PLCL2: variants seen among roughly 807,000 people sequenced by gnomAD.
PLCL2 encodes phospholipase C like 2, also known as inactive phospholipase C-like protein 2.
In PLCL2, 4 loss-of-function variants were observed where a neutral mutation model predicts 79.6. The ratio of observed to expected loss-of-function variants is 0.05; its 90% CI spans 0.02 to 0.11. The LOEUF (loss-of-function observed/expected upper bound fraction) is 0.11, where lower values mean the gene tolerates loss of function less well. PLCL2 is among the 10% of genes least tolerant of loss of function. The pLI, the probability that PLCL2 is intolerant of heterozygous loss-of-function variation, is 1.00. For missense variants in PLCL2, 895 were observed against 1,291.0 expected (o/e 0.69, Z 4.70); for synonymous variants, 484 against 457.7 (o/e 1.06, Z -0.73).
chr3:17,033,129 G>A (rs1034576855), intron 3 of PLCL2, among the ~76,000 whole-genome samples: 1 of 152,190 alleles, frequency 6.6e-6, no homozygotes, highest in African/African-American at 2.4e-5. Context: ...AAGACACATT[G>A]ATCCCTTAGG....
At chr3:17,019,024 A>C (rs1309871534) in intron 3 of PLCL2, among the ~76,000 whole-genome samples, 1 of 152,216 alleles carries the variant, frequency 6.6e-6, no homozygotes, top group Non-Finnish European at 1.5e-5. Context: ...AATAGATAGT[A>C]AATAGATATT....
intron 3 of PLCL2, among the ~76,000 whole-genome samples, chr3:17,031,986 A>T (rs2124910390): frequency 6.6e-6 from 1 of 150,864 alleles, no homozygotes; most frequent in Middle Eastern, 3.4e-3. Context: ...CAGGACCAGA[A>T]ACTACAAGAT....
chr3:16,898,664 G>A (rs1050646790), intron 1 of PLCL2, among the ~76,000 whole-genome samples: 11 of 152,298 alleles, frequency 7.2e-5, no homozygotes, highest in African/African-American at 2.6e-4. Context: ...AGACAGTAAA[G>A]TAAGACAAGG....
chr3:17,072,904 G>A (rs772221528), intron 5 of PLCL2, among the ~76,000 whole-genome samples: 2 of 152,136 alleles, frequency 1.3e-5, no homozygotes, highest in Non-Finnish European at 2.9e-5. Flanking sequence ...AAGCCAGCGG[G>A]TGTCTTTGCC....
rs1476657707 is a variant in PLCL2, at chr3:16,886,261, A to T, written c.327+895A>T. 8.5e-5 allele frequency among the ~76,000 whole-genome samples: 13 copies of T among 152,264 alleles called. 1 individual carries two copies. The highest frequency in any genetic ancestry group is 8.5e-4 in the Admixed American group (13 of 15,292). On this transcript the variant is annotated intron_variant, in intron 1 of 5. Transcript: ENST00000615277. This position sits in a 1 kb window ranked among gnomAD's most constrained non-coding sequence, Gnocchi z 4.2. ...GAAGAGCAGAGCCTTAGGCAAGACC[A>T]GCTCATTCGGCTCGCTCAAGTTTGG... is the stretch of plus-strand genomic sequence containing the variant.
At position 17,009,992 on chromosome 3, in the gene PLCL2, T is replaced by A. The variant is rs754340410; in HGVS notation, c.646T>A (p.Cys216Ser). The A allele has an allele frequency of 6.2e-7, 1 of 1,614,116 alleles. No homozygotes were observed. The highest frequency in any genetic ancestry group is 1.3e-5 in the African/African-American group (1 of 75,064). Residue 216 changes from cysteine (C) to serine (S), a missense_variant, in exon 2 of 6, where the codon TGT (cysteine) becomes AGT (serine). Around this residue, in one of 6 missense-constraint regions of PLCL2, gnomAD observed 129 missense variants for 208.8 expected, o/e 0.62. Transcript: ENST00000615277. The surrounding 1 kb of genome is among the most constrained non-coding windows in gnomAD (Gnocchi z 4.0). ...CATTTCTGACCAGATATCTGAAGAT[T>A]GTGCGTTTTCCGTCATATATGGAGA... ...NGISDQISED[C>S]AFSVIYGENY... is the part of the protein sequence containing the mutation.
intron 2 of PLCL2, among the ~76,000 whole-genome samples, chr3:17,012,848 C>T (rs898466546): frequency 6.6e-6 from 1 of 152,180 alleles, no homozygotes; most frequent in Non-Finnish European, 1.5e-5. Flanking sequence ...AAGGGCCTGC[C>T]TCATGCAGAC....
Position 17,009,534 on chromosome 3 carries a change from G to GT in PLCL2, c.328-139dup. The GT allele has an allele frequency of 1.8e-6, 1 of 543,152 alleles. No homozygotes were observed. Among genetic ancestry groups the GT allele is most frequent in the Non-Finnish European group, 3.3e-6 (1 of 305,166 alleles). The allele number at this position is 543,152 out of a possible 1,614,324, so 33.6% of individuals were successfully genotyped here. On this transcript the variant is annotated intron_variant, in intron 1 of 5. Coordinates refer to ENST00000615277, the MANE Select transcript of PLCL2 (RefSeq NM_001144382.2). The surrounding 1 kb of genome is among the most constrained non-coding windows in gnomAD (Gnocchi z 4.0). ...AATTCTGAGCTTTAGAGATGAATGA[G>GT]TATCATTCATCACAGGAATCTAGAA...
At chr3:17,046,233 T>A (rs2064779202) in intron 4 of PLCL2, among the ~76,000 whole-genome samples, 1 of 152,184 alleles carries the variant, frequency 6.6e-6, no homozygotes, top group Non-Finnish European at 1.5e-5. Flanking sequence ...GGGAGAAACA[T>A]CATAAAAGTT....
intron 1 of PLCL2, among the ~76,000 whole-genome samples, chr3:16,960,856 T>C (rs2063748046): frequency 6.6e-6 from 1 of 152,216 alleles, no homozygotes; most frequent in African/African-American, 2.4e-5. Flanking sequence ...CCCTTCTCTG[T>C]CTCCTCTGGT....
intron 4 of PLCL2, among the ~76,000 whole-genome samples, chr3:17,063,248 T>TG (rs2064971585): frequency 8.5e-4 from 1 of 1,174 alleles, no homozygotes; most frequent in Non-Finnish European, 1.4e-3. Flanking sequence ...CTCCCTGCCT[T>TG]CCTCCCTTCC....
intron 3 of PLCL2, among the ~76,000 whole-genome samples, chr3:17,016,433 A>G (rs1475650211): frequency 1.3e-5 from 2 of 152,236 alleles, no homozygotes; most frequent in Non-Finnish European, 2.9e-5. Flanking sequence ...CACTGCAAGC[A>G]AACTACATAG....
chr3:17,003,822 G>C (rs181197084), intron 1 of PLCL2, among the ~76,000 whole-genome samples: 1 of 152,112 alleles, frequency 6.6e-6, no homozygotes. Flanking sequence ...TCTTTGCCTG[G>C]TTCCAGAGGT....
At chr3:17,039,370 C>T (rs1298673367) in intron 3 of PLCL2, among the ~76,000 whole-genome samples, 1 of 152,206 alleles carries the variant, frequency 6.6e-6, no homozygotes, top group Non-Finnish European at 1.5e-5. Flanking sequence ...GGACTCTTCA[C>T]CTGGTGTTGC....
chr3:16,966,918 C>T (rs1055698559), intron 1 of PLCL2, among the ~76,000 whole-genome samples: 1 of 152,050 alleles, frequency 6.6e-6, no homozygotes, highest in Non-Finnish European at 1.5e-5. Flanking sequence ...TCCTCACCCT[C>T]CTCCCACCCT....
At chr3:16,931,927 C>T (rs1245231434) in intron 1 of PLCL2, among the ~76,000 whole-genome samples, 2 of 152,096 alleles carry the variant, frequency 1.3e-5, no homozygotes, top group East Asian at 3.9e-4. Flanking sequence ...AGGAGGAGCC[C>T]TCATGAATGG....
At chr3:16,888,934 A>G (rs1352997978) in intron 1 of PLCL2, among the ~76,000 whole-genome samples, 1 of 152,220 alleles carries the variant, frequency 6.6e-6, no homozygotes, top group Non-Finnish European at 1.5e-5. Context: ...TGACCAATAC[A>G]TTCAGTCATT....
At chr3:16,903,873 G>A (rs1261296446) in intron 1 of PLCL2, among the ~76,000 whole-genome samples, 1 of 152,194 alleles carries the variant, frequency 6.6e-6, no homozygotes, top group African/African-American at 2.4e-5. Flanking sequence ...TCTTAAGCAG[G>A]TTTTGGCAGA....
chr3:16,981,993 A>G (rs2124988823), intron 1 of PLCL2, among the ~76,000 whole-genome samples: 1 of 152,290 alleles, frequency 6.6e-6, no homozygotes, highest in Admixed American at 6.5e-5. Context: ...GCCTCTTCAG[A>G]TTCTTTGTAA....
Sources: allele counts gnomAD v4.1 joint callset (sites outside exome capture counted in the v4.1 genomes callset), GRCh38; gene constraint gnomAD v4.1.1; regional missense constraint gnomAD v4.1.1; non-coding constraint Gnocchi (gnomAD v3.1); transcripts MANE v1.5; gene names NCBI Gene and HGNC (gene_info 2026-07-23, HGNC 2026-07-21).